The following FNIP1 variants were observed in gnomAD, a reference collection of about 807,000 sequenced individuals.
The protein encoded by FNIP1 is folliculin-interacting protein 1.
In FNIP1, 40 loss-of-function variants were observed where a neutral mutation model predicts 124.5. The ratio of observed to expected loss-of-function variants is 0.32; its 90% CI spans 0.25 to 0.42. FNIP1 has a LOEUF of 0.42. Ranked by LOEUF, FNIP1 falls within the 10% of genes least tolerant of loss-of-function variation. The pLI, the probability that FNIP1 is intolerant of heterozygous loss-of-function variation, is 1.00. For missense variants in FNIP1, 1,176 were observed against 1,403.7 expected (o/e 0.84, Z 2.59); for synonymous variants, 472 against 470.6 (o/e 1.00, Z -0.04).
At chr5:131,735,666 A>G (rs1455571545) in intron 2 of FNIP1, among the ~76,000 whole-genome samples, 1 of 149,960 alleles carries the variant, frequency 6.7e-6, no homozygotes, top group Non-Finnish European at 1.5e-5. Context: ...ATATGTATAT[A>G]TACGTATAAA....
Position 131,672,543 on chromosome 5 carries a change from T to G in FNIP1, c.1901A>C (p.Gln634Pro), listed in dbSNP as rs1210203521. 2 of 1,614,008 alleles carry G rather than the reference T, an allele frequency of 1.2e-6. No individual in the cohort carries two copies. The highest frequency in any genetic ancestry group is 4.5e-5 in the East Asian group (2 of 44,892). ...NISQQEREDI[Q>P]NSSKELLGIS... ...TCCTAGCAGCTCCTTAGAGCTGTTT[T>G]GAATATCTTCTCTCTCTTGTTGTGA... The change falls in exon 14 of 18, where the codon CAA (glutamine) becomes CCA (proline). Residue 634 changes from glutamine to proline, a missense_variant. Physicochemically the swap from Gln to Pro is moderately conservative, Grantham distance 76. This residue lies in a region of FNIP1 where 1,109 missense variants were observed against 1,288.5 expected (regional missense o/e 0.86). Transcript: ENST00000510461.
intron 16 of FNIP1, among the ~76,000 whole-genome samples, chr5:131,648,962 AT>A (rs1326875971): frequency 6.6e-6 from 1 of 152,206 alleles, no homozygotes; most frequent in Admixed American, 6.5e-5. Context: ...TATGAGGTTC[AT>A]CCATGTTGTA....
intron 13 of FNIP1, among the ~76,000 whole-genome samples, chr5:131,674,728 G>T (rs1473970374): frequency 6.7e-6 from 1 of 148,440 alleles, no homozygotes; most frequent in Non-Finnish European, 1.5e-5. Flanking sequence ...AAGAAAGAAA[G>T]AAAAAAAAAG....
intron 16 of FNIP1, among the ~76,000 whole-genome samples, chr5:131,648,602 A>T (rs10050770): frequency 0.074 from 11,306 of 152,198 alleles, 859 homozygotes; most frequent in African/African-American, 0.2. Context: ...CCATAAGAAA[A>T]TTTTAACTGC....
chr5:131,791,240 TA>T (rs1467584130), intron 1 of FNIP1, among the ~76,000 whole-genome samples: 4 of 152,160 alleles, frequency 2.6e-5, no homozygotes, highest in African/African-American at 9.7e-5. Flanking sequence ...CATAAAAAAT[TA>T]GAGAATCAGG....
intron 2 of FNIP1, 38 bp from the exon 3 acceptor site, chr5:131,731,076 T>C (rs1580792411): frequency 6.4e-7 from 1 of 1,563,888 alleles, no homozygotes. Context: ...TTTTAACAGA[T>C]TTTTAACCAT....
In FNIP1 at chr5:131,671,899, T is replaced by C. The variant is rs1011468320; in HGVS notation, c.2545A>G (p.Ile849Val). ...FNDDSIETRT[I>V]DDVPFKTSTD... Reference sequence around the variant, plus strand: ...CTTGTTTTAAATGGAACATCATCAATAGTCCTGGTTTCGATTGAATCATCA... The same window carrying C: ...CTTGTTTTAAATGGAACATCATCAACAGTCCTGGTTTCGATTGAATCATCA... The change falls in exon 14 of 18, where the codon ATT (isoleucine) becomes GTT (valine). Residue 849 changes from isoleucine (I) to valine (V), a missense_variant. By Grantham distance (29) the Ile-to-Val change is conservative. Transcript: ENST00000510461. The C allele has an allele frequency of 1.9e-6, 3 of 1,614,072 alleles. No individual in the cohort carries two copies. Among genetic ancestry groups the C allele is most frequent in the African/African-American group, 2.7e-5 (2 of 74,944 alleles).
At chr5:131,762,422 T>C (rs1399241439) in intron 1 of FNIP1, among the ~76,000 whole-genome samples, 1 of 151,986 alleles carries the variant, frequency 6.6e-6, no homozygotes, top group African/African-American at 2.4e-5. Flanking sequence ...AATAATCCAA[T>C]TAAACATAGG....
rs72306515 is a variant in FNIP1, at chr5:131,695,104, C to CAAATAAAT, written c.1202+3805_1202+3812dup. Among the ~76,000 whole-genome samples the CAAATAAAT allele has an allele frequency of 3.5e-3, 483 of 137,842 alleles. 3 individuals carry two copies. The highest frequency in any genetic ancestry group is 0.011 in the Middle Eastern group (3 of 276). The allele number at this position is 137,842 out of a possible 152,430, so 90.4% of individuals were successfully genotyped here. Reference sequence around the variant, plus strand: ...TGGGCCACAGAGTGAGACACTGTCTCAAATAAATAAATAAATAAATAAATA... The same window carrying CAAATAAAT: ...TGGGCCACAGAGTGAGACACTGTCTCAAATAAATAAATAAATAAATAAATAAATAAATA... On this transcript the variant is annotated intron_variant, in intron 11 of 17. Coordinates refer to ENST00000510461, the MANE Select transcript of FNIP1 (RefSeq NM_133372.3).
intron 1 of FNIP1, among the ~76,000 whole-genome samples, chr5:131,769,475 C>A (rs1172021003): frequency 6.6e-6 from 1 of 152,150 alleles, no homozygotes. Context: ...TTAAGCAGTT[C>A]CACTTTTCAA....
chr5:131,792,368 C>G (rs1772437630), intron 1 of FNIP1, among the ~76,000 whole-genome samples: 1 of 152,124 alleles, frequency 6.6e-6, no homozygotes, highest in Non-Finnish European at 1.5e-5. Context: ...ACCACATTGG[C>G]CAGGCTGGTC....
chr5:131,685,771 T>A (rs1298852556), intron 11 of FNIP1, among the ~76,000 whole-genome samples: 1 of 149,778 alleles, frequency 6.7e-6, no homozygotes. Flanking sequence ...AATCTTTGAG[T>A]AAGCTTTCAA....
chr5:131,754,034 G>A (rs987128963), intron 1 of FNIP1, among the ~76,000 whole-genome samples: 1 of 152,184 alleles, frequency 6.6e-6, no homozygotes, highest in Non-Finnish European at 1.5e-5. Flanking sequence ...GGATGTTCTT[G>A]ATCTCTTGAC....
chr5:131,765,280 G>C (rs1284880066), intron 1 of FNIP1, among the ~76,000 whole-genome samples: 1 of 152,098 alleles, frequency 6.6e-6, no homozygotes, highest in Admixed American at 6.6e-5. Context: ...AGTGTTTGAG[G>C]GAGAAACACC....
intron 2 of FNIP1, among the ~76,000 whole-genome samples, chr5:131,732,278 C>T (rs1770120354): frequency 6.6e-6 from 1 of 152,136 alleles, no homozygotes; most frequent in Non-Finnish European, 1.5e-5. Flanking sequence ...TTTCTAGTTA[C>T]CAACATCACC....
intron 6 of FNIP1, among the ~76,000 whole-genome samples, chr5:131,713,867 G>A (rs899785568): frequency 6.6e-6 from 1 of 152,156 alleles, no homozygotes; most frequent in Non-Finnish European, 1.5e-5. Flanking sequence ...CTGTCATTTG[G>A]AGTAACATGA....
At chr5:131,753,622 A>C (rs767808080) in intron 1 of FNIP1, among the ~76,000 whole-genome samples, 11 of 152,198 alleles carry the variant, frequency 7.2e-5, no homozygotes, top group Non-Finnish European at 1.5e-4. Context: ...TATACTAAGG[A>C]ACTTTCCAGA....
At chr5:131,709,866 C>A (rs1769231644) in intron 7 of FNIP1, among the ~76,000 whole-genome samples, 1 of 151,876 alleles carries the variant, frequency 6.6e-6, no homozygotes, top group Admixed American at 6.6e-5. Context: ...AAATATTAAT[C>A]AAAACAAGAA....
At chr5:131,748,584 C>A (rs1770762487) in intron 1 of FNIP1, among the ~76,000 whole-genome samples, 1 of 150,978 alleles carries the variant, frequency 6.6e-6, no homozygotes. Context: ...GTAGTCCCAG[C>A]TACTCAGGAG....
Sources: allele counts gnomAD v4.1 joint callset (sites outside exome capture counted in the v4.1 genomes callset), GRCh38; gene constraint gnomAD v4.1.1; regional missense constraint gnomAD v4.1.1; transcripts MANE v1.5; gene names NCBI Gene and HGNC (gene_info 2026-07-23, HGNC 2026-07-21).